The following IL1RAPL2 variants were observed in gnomAD, a reference collection of about 807,000 sequenced individuals.
IL1RAPL2 encodes X-linked interleukin-1 receptor accessory protein-like 2.
A neutral mutation model predicts 44.1 loss-of-function variants in IL1RAPL2; 3 were observed. That is an observed-to-expected ratio of 0.07 (90% CI 0.03 to 0.18). IL1RAPL2 has a LOEUF of 0.18. Among genes scored for constraint, IL1RAPL2 ranks in the 10% least tolerant of loss-of-function variants. IL1RAPL2 has a pLI of 1.00. For synonymous variants in IL1RAPL2, 181 were observed against 178.8 expected (o/e 1.01, Z -0.10); for missense variants, 391 against 496.4 (o/e 0.79, Z 2.02).
intron 1 of IL1RAPL2, among the ~76,000 whole-genome samples, chrX:104,605,767 A>G (rs958162405): frequency 8.9e-6 from 1 of 112,301 alleles, no homozygotes; most frequent in Non-Finnish European, 1.9e-5. Context: ...AATCTAAACC[A>G]GGAAGAAGTC....
chrX:104,737,706 C>T (rs1932038457), intron 2 of IL1RAPL2, among the ~76,000 whole-genome samples: 1 of 111,872 alleles, frequency 8.9e-6, no homozygotes. Flanking sequence ...TGACTATCAA[C>T]TCTCACTAGT....
chrX:105,650,741 A>G (rs747559503), intron 6 of IL1RAPL2, among the ~76,000 whole-genome samples: 15 of 112,015 alleles, frequency 1.3e-4, no homozygotes, highest in African/African-American at 4.9e-4. Context: ...GAGCTAGGAA[A>G]GGCAGGTTCA....
chrX:105,606,792 G>A (rs1183526406), intron 6 of IL1RAPL2, among the ~76,000 whole-genome samples: 1 of 111,177 alleles, frequency 9.0e-6, no homozygotes, highest in Non-Finnish European at 1.9e-5. Context: ...AATAAGCCAG[G>A]CACAGAAATA....
intron 1 of IL1RAPL2, among the ~76,000 whole-genome samples, chrX:104,624,640 G>A (rs957013945): frequency 9.0e-6 from 1 of 111,461 alleles, no homozygotes; most frequent in African/African-American, 3.3e-5. Flanking sequence ...TTAGTTTTGG[G>A]CCCACTGTCC....
At chrX:105,345,606 C>G (rs1450142087) in intron 5 of IL1RAPL2, among the ~76,000 whole-genome samples, 2 of 110,755 alleles carry the variant, frequency 1.8e-5, no homozygotes, top group African/African-American at 6.6e-5. Context: ...AAAATGGACA[C>G]CAAATCATTA....
intron 1 of IL1RAPL2, among the ~76,000 whole-genome samples, chrX:104,582,727 CTCTCCCTT>C (rs779968131): frequency 2.2e-4 from 18 of 83,515 alleles, no homozygotes; most frequent in Non-Finnish European, 3.9e-4. Context: ...CTTTCTCTCT[CTCTCCCTT>C]CCTTCCTTCC....
chrX:104,871,806 T>C (rs1311682210), intron 2 of IL1RAPL2, among the ~76,000 whole-genome samples: 1 of 111,942 alleles, frequency 8.9e-6, no homozygotes, highest in Non-Finnish European at 1.9e-5. Flanking sequence ...TGAACACTTA[T>C]GAAAATCAGC....
chrX:104,610,414 G>C (rs1170349364), intron 1 of IL1RAPL2, among the ~76,000 whole-genome samples: 1 of 111,872 alleles, frequency 8.9e-6, no homozygotes, highest in Non-Finnish European at 1.9e-5. Flanking sequence ...TCCTTAAGCT[G>C]ATAAGCAACT....
chrX:105,685,006 C>T (rs2037958324), intron 6 of IL1RAPL2, among the ~76,000 whole-genome samples: 1 of 111,391 alleles, frequency 9.0e-6, no homozygotes, highest in African/African-American at 3.3e-5. Flanking sequence ...GGAATAGCGT[C>T]AACATCAACA....
intron 2 of IL1RAPL2, among the ~76,000 whole-genome samples, chrX:105,117,848 T>C (rs999394318): frequency 3.2e-4 from 36 of 111,744 alleles, no homozygotes; most frequent in Non-Finnish European, 6.2e-4. Flanking sequence ...CTAATACATA[T>C]TGCTCATAAG....
intron 2 of IL1RAPL2, among the ~76,000 whole-genome samples, chrX:104,802,026 C>T (rs984525477): frequency 9.0e-6 from 1 of 111,223 alleles, no homozygotes; most frequent in African/African-American, 3.3e-5. Flanking sequence ...TCATTAACAT[C>T]AGCCTAAGGA....
chrX:104,830,779 A>G (rs1370458723), intron 2 of IL1RAPL2, among the ~76,000 whole-genome samples: 3 of 112,233 alleles, frequency 2.7e-5, no homozygotes, highest in African/African-American at 9.7e-5. Flanking sequence ...TAAAGAGGAA[A>G]TTAGGAAAAA....
chrX:104,835,459 T>G (rs1019913126), intron 2 of IL1RAPL2, among the ~76,000 whole-genome samples: 6 of 112,378 alleles, frequency 5.3e-5, no homozygotes, highest in African/African-American at 1.9e-4. Context: ...AGTTTATGTC[T>G]TCACTATATG....
At chrX:105,082,441 C>A (rs746058483) in intron 2 of IL1RAPL2, among the ~76,000 whole-genome samples, 5 of 111,153 alleles carry the variant, frequency 4.5e-5, no homozygotes, top group Admixed American at 1.9e-4. Flanking sequence ...TCACAGCGTT[C>A]AAACTTTACT....
intron 3 of IL1RAPL2, chrX:105,219,948 C>A: frequency 8.5e-7 from 1 of 1,182,965 alleles, no homozygotes; most frequent in South Asian, 1.9e-5. Context: ...CTGCATGGAG[C>A]GGCTTCCAAC....
intron 6 of IL1RAPL2, among the ~76,000 whole-genome samples, chrX:105,632,792 A>G (rs1475841418): frequency 9.0e-6 from 1 of 111,635 alleles, no homozygotes; most frequent in East Asian, 2.8e-4. Context: ...TCCAAATATA[A>G]CAAATCAAGA....
intron 2 of IL1RAPL2, among the ~76,000 whole-genome samples, chrX:105,037,310 A>G (rs985423908): frequency 1.1e-4 from 12 of 111,137 alleles, no homozygotes; most frequent in African/African-American, 3.9e-4. Context: ...TTTTGGGAAA[A>G]CTGAACAATA....
At chrX:105,415,686 A>G (rs899447724) in intron 5 of IL1RAPL2, among the ~76,000 whole-genome samples, 2 of 111,823 alleles carry the variant, frequency 1.8e-5, no homozygotes, top group African/African-American at 3.2e-5. Context: ...CTTTTCTACA[A>G]TCATTTCTGA....
At chrX:104,777,707 G>T (rs976972983) in intron 2 of IL1RAPL2, among the ~76,000 whole-genome samples, 2 of 109,397 alleles carry the variant, frequency 1.8e-5, no homozygotes, top group African/African-American at 3.3e-5. Flanking sequence ...CTCCTGAGTA[G>T]CTGGGATTAC....
Sources: allele counts gnomAD v4.1 joint callset (sites outside exome capture counted in the v4.1 genomes callset), GRCh38; gene constraint gnomAD v4.1.1; transcripts MANE v1.5; gene names NCBI Gene and HGNC (gene_info 2026-07-23, HGNC 2026-07-21).